ALDH1L2: variants seen among roughly 807,000 people sequenced by gnomAD.
ALDH1L2 encodes aldehyde dehydrogenase 1 family member L2, also known as mitochondrial 10-formyltetrahydrofolate dehydrogenase.
ALDH1L2 carries 91 observed loss-of-function variants against 111.0 expected under a neutral mutation model. The ratio of observed to expected loss-of-function variants is 0.82; its 90% CI spans 0.69 to 0.98. ALDH1L2 has a LOEUF of 0.98. Among genes scored for constraint, ALDH1L2 ranks in the 50% least tolerant of loss-of-function variants. The probability of loss-of-function intolerance (pLI) is 0.00; values close to 1 mark genes in which losing one functional copy is unlikely to be tolerated. For missense variants in ALDH1L2, 995 were observed against 1,126.8 expected, an observed-to-expected ratio of 0.88 and a Z score of 1.67; for synonymous variants, 374 against 392.6, an observed-to-expected ratio of 0.95 and a Z score of 0.56.
chr12:105,041,101 CAGG>C (rs1367534426), intron 15 of ALDH1L2, among the ~76,000 whole-genome samples: 1 of 152,194 alleles, frequency 6.6e-6, no homozygotes, highest in Non-Finnish European at 1.5e-5. Flanking sequence ...TCATCAAAAT[CAGG>C]AGATTAACAA....
intron 12 of ALDH1L2, among the ~76,000 whole-genome samples, chr12:105,051,583 T>C (rs1357030321): frequency 6.6e-6 from 1 of 152,190 alleles, no homozygotes; most frequent in Non-Finnish European, 1.5e-5. Context: ...AACAGTTCTT[T>C]ATTAAACTTC....
At chr12:105,065,639 G>A (rs2136097915) in intron 5 of ALDH1L2, among the ~76,000 whole-genome samples, 1 of 152,248 alleles carries the variant, frequency 6.6e-6, no homozygotes, top group East Asian at 1.9e-4. Flanking sequence ...GTAGCTGTTG[G>A]AGAGTTTTAT....
chr12:105,074,457 CCAAAAAAAAAAAAAA>C (rs143850832), intron 1 of ALDH1L2, among the ~76,000 whole-genome samples: 56,216 of 95,382 alleles, frequency 0.59, 13,892 homozygotes, highest in Middle Eastern at 0.76. Flanking sequence ...GACTCTGTCT[CCAAAAAAAAAAAAAA>C]AAAAAAAAAA....
intron 2 of ALDH1L2, among the ~76,000 whole-genome samples, chr12:105,071,898 A>T (rs949388178): frequency 6.7e-6 from 1 of 149,402 alleles, no homozygotes; most frequent in Non-Finnish European, 1.5e-5. Context: ...ACCAGCGTGG[A>T]CAACATAATG....
intron 6 of ALDH1L2, among the ~76,000 whole-genome samples, chr12:105,064,478 C>T (rs532434658): frequency 6.6e-6 from 1 of 152,182 alleles, no homozygotes; most frequent in East Asian, 1.9e-4. Flanking sequence ...GGTCACCCAT[C>T]GAGCCCATGG....
intron 18 of ALDH1L2, 123 bp from the exon 19 acceptor site, chr12:105,034,521 C>T: frequency 1.3e-6 from 1 of 759,250 alleles, no homozygotes; most frequent in Non-Finnish European, 2.1e-6. Flanking sequence ...AAGTCACAGA[C>T]AATCCTCTTG....
chr12:105,073,466 T>C (rs866755763), intron 2 of ALDH1L2, among the ~76,000 whole-genome samples: 41 of 152,342 alleles, frequency 2.7e-4, no homozygotes, highest in Middle Eastern at 6.8e-3. Flanking sequence ...CCAGGATTCA[T>C]TCTGAAAGGA....
intron 10 of ALDH1L2, 112 bp downstream of exon 10, chr12:105,057,961 T>G: frequency 1.6e-6 from 2 of 1,250,862 alleles, no homozygotes; most frequent in Non-Finnish European, 2.1e-6. Context: ...TCAGTAAAGC[T>G]GTTGTTTTTT....
intron 18 of ALDH1L2, 61 bp downstream of exon 18, chr12:105,038,042 C>G: frequency 7.1e-7 from 1 of 1,413,740 alleles, no homozygotes; most frequent in Non-Finnish European, 9.9e-7. Context: ...GCTAGGATTA[C>G]AGGCGTGAGC....
chr12:105,043,576 G>A (rs2069768016), intron 15 of ALDH1L2, among the ~76,000 whole-genome samples: 2 of 152,200 alleles, frequency 1.3e-5, no homozygotes, highest in Admixed American at 6.5e-5. Flanking sequence ...TTATGCCTTG[G>A]TATGAAACCA....
intron 7 of ALDH1L2, 96 bp from the exon 8 acceptor site, chr12:105,061,848 AG>A: frequency 7.0e-7 from 1 of 1,423,234 alleles, no homozygotes; most frequent in South Asian, 1.3e-5. Flanking sequence ...TATGCATATA[AG>A]GGCAAGTTTA....
At chr12:105,076,247 T>A (rs1368878841) in intron 1 of ALDH1L2, among the ~76,000 whole-genome samples, 1 of 152,228 alleles carries the variant, frequency 6.6e-6, no homozygotes, top group Admixed American at 6.5e-5. Flanking sequence ...CATGGAAGTC[T>A]GAGAATCTCT....
At chr12:105,064,817 G>A (rs1877249414) in intron 6 of ALDH1L2, among the ~76,000 whole-genome samples, 1 of 152,284 alleles carries the variant, frequency 6.6e-6, no homozygotes, top group Admixed American at 6.5e-5. Flanking sequence ...CTCTCCCCAT[G>A]CCTGTCCTCA....
intron 10 of ALDH1L2, among the ~76,000 whole-genome samples, chr12:105,057,675 T>C (rs895903600): frequency 9.2e-5 from 14 of 152,216 alleles, no homozygotes; most frequent in African/African-American, 3.1e-4. Flanking sequence ...TGTATGATTC[T>C]ATTTATATGA....
intron 1 of ALDH1L2, among the ~76,000 whole-genome samples, chr12:105,083,701 T>C (rs186840423): frequency 4.0e-4 from 61 of 152,236 alleles, no homozygotes; most frequent in Admixed American, 3.5e-3. Flanking sequence ...CAGTGCAACG[T>C]GTCCTCTCTC....
At position 105,060,071 on chromosome 12, in the gene ALDH1L2, AC is replaced by A. The variant is rs754165106; in HGVS notation, c.1139+909del. Among the ~76,000 whole-genome samples the A allele has an allele frequency of 1.8e-4, 28 of 151,798 alleles. 1 individual carries two copies. In the South Asian group the frequency reaches 5.4e-3, roughly 29 times the overall value. On this transcript the variant is annotated intron_variant, in intron 9 of 22. Transcript: ENST00000258494. ...CTCCAGCCCTTTCAACTTGCTCTAA[AC>A]CTCTGTGGAGAAATTCTGATATTGG...
chr12:105,047,018 A>C, intron 13 of ALDH1L2, 49 bp from the exon 14 acceptor site: 1 of 1,574,012 alleles, frequency 6.4e-7, no homozygotes, highest in South Asian at 1.1e-5. Context: ...TAAATAAGTA[A>C]ATTTCATCTC....
At chr12:105,075,523 T>G (rs1177575032) in intron 1 of ALDH1L2, among the ~76,000 whole-genome samples, 1 of 152,126 alleles carries the variant, frequency 6.6e-6, no homozygotes, top group Non-Finnish European at 1.5e-5. Context: ...AGATAGAGGT[T>G]GCAGTGAGCT....
intron 15 of ALDH1L2, among the ~76,000 whole-genome samples, chr12:105,045,867 C>T (rs1197305494): frequency 6.6e-6 from 1 of 151,962 alleles, no homozygotes; most frequent in African/African-American, 2.4e-5. Context: ...ACTTATGCAC[C>T]TCAGAATGCC....
Sources: allele counts gnomAD v4.1 joint callset (sites outside exome capture counted in the v4.1 genomes callset), GRCh38; gene constraint gnomAD v4.1.1; transcripts MANE v1.5; gene names NCBI Gene and HGNC (gene_info 2026-07-23, HGNC 2026-07-21).